Variants in MYT1L observed in about 807,000 individuals in gnomAD.
The protein encoded by MYT1L is myelin transcription factor 1 like.
Under a neutral mutation model 126.7 loss-of-function variants are expected in MYT1L, and 12 were observed. The ratio of observed to expected loss-of-function variants is 0.09; its 90% CI spans 0.06 to 0.15. The LOEUF is 0.15. MYT1L is among the 10% of genes least tolerant of loss of function. The pLI is 1.00. For missense variants in MYT1L, 979 were observed against 1,585.2 expected (o/e 0.62, Z 6.49); for synonymous variants, 541 against 604.2 (o/e 0.90, Z 1.53).
At position 2,133,903 on chromosome 2, in the gene MYT1L, C is replaced by T. The variant is rs146619900; in HGVS notation, c.-304+38969G>A. On this transcript the variant is annotated intron_variant, in intron 3 of 24. Coordinates refer to ENST00000647738, the MANE Select transcript of MYT1L (RefSeq NM_001303052.2). ...ATGCTTTAAGAGAAAAAAAAGGACACGGGAATAATTTCTTTAAACTTAACA... is the reference window on the plus strand; with the variant it reads ...ATGCTTTAAGAGAAAAAAAAGGACATGGGAATAATTTCTTTAAACTTAACA... Among the ~76,000 whole-genome samples, 575 of 152,220 alleles carry T rather than the reference C, an allele frequency of 3.8e-3. 12 individuals carry two copies. Among genetic ancestry groups the T allele is most frequent in the East Asian group, 8.1e-3 (42 of 5,166 alleles).
chr2:2,240,044 T>G (rs1473850117), intron 2 of MYT1L, among the ~76,000 whole-genome samples: 2 of 152,194 alleles, frequency 1.3e-5, no homozygotes, highest in Non-Finnish European at 2.9e-5. Flanking sequence ...ATGCCTGTAA[T>G]CCCAGCACTT....
chr2:2,209,981 T>C (rs2093446788), intron 2 of MYT1L, among the ~76,000 whole-genome samples: 1 of 152,206 alleles, frequency 6.6e-6, no homozygotes, highest in Non-Finnish European at 1.5e-5. Flanking sequence ...ATATAAGCCA[T>C]TTTAAGTGGG....
At chr2:2,205,454 T>G (rs1047841728) in intron 2 of MYT1L, among the ~76,000 whole-genome samples, 1 of 152,202 alleles carries the variant, frequency 6.6e-6, no homozygotes, top group Non-Finnish European at 1.5e-5. Context: ...ATCATTTATG[T>G]TTTTGATTTG....
In MYT1L at chr2:2,305,782, G is replaced by A. The variant is rs146791185; in HGVS notation, c.-520-21279C>T. ...GAGAAAGAGTGAAGTGGGAAGTGTG[G>A]CCCACTTTCAAACAACCAGATCTCA... On this transcript the variant is annotated intron_variant, in intron 1 of 24. Coordinates refer to ENST00000647738, the MANE Select transcript of MYT1L (RefSeq NM_001303052.2). Among the ~76,000 whole-genome samples, 3 of 152,186 alleles carry A rather than the reference G, an allele frequency of 2.0e-5. No individual in the cohort carries two copies. In the East Asian group the frequency reaches 5.8e-4, roughly 29 times the overall value.
chr2:2,158,495 G>A (rs889724845), intron 3 of MYT1L, among the ~76,000 whole-genome samples: 1 of 152,142 alleles, frequency 6.6e-6, no homozygotes, highest in Admixed American at 6.5e-5. Context: ...TTGCACTTAA[G>A]TGACTAAAAG....
In MYT1L at chr2:1,789,737, C is replaced by T. The variant is rs1398664007; in HGVS notation, c.*2130G>A. The T allele has an allele frequency of 2.0e-5, 3 of 152,178 alleles. No homozygotes were observed. Among genetic ancestry groups the T allele is most frequent in the Non-Finnish European group, 2.9e-5 (2 of 68,030 alleles). The allele number at this position is 152,178 out of a possible 1,614,324, so 9.4% of individuals were successfully genotyped here. On this transcript the variant is annotated 3_prime_UTR_variant, in exon 25 of 25. Coordinates refer to ENST00000647738, the MANE Select transcript of MYT1L (RefSeq NM_001303052.2). ...CAGCTGGGGCCCTGGGCCACACGGA[C>T]GGCCTCAGGTGACTGCAAGCACCTT...
chr2:1,914,059 G>C (rs1305694671), intron 11 of MYT1L, among the ~76,000 whole-genome samples: 1 of 151,966 alleles, frequency 6.6e-6, no homozygotes, highest in African/African-American at 2.4e-5. Flanking sequence ...TTCGAGACCA[G>C]CCTCACCAAT....
intron 23 of MYT1L, among the ~76,000 whole-genome samples, chr2:1,794,050 A>T (rs1240396908): frequency 2.0e-5 from 3 of 152,208 alleles, no homozygotes; most frequent in African/African-American, 7.2e-5. Context: ...ACGGAATCTA[A>T]TCTAGAATGA....
chr2:2,029,467 G>C (rs1218206330), intron 4 of MYT1L, among the ~76,000 whole-genome samples: 1 of 152,182 alleles, frequency 6.6e-6, no homozygotes, highest in Non-Finnish European at 1.5e-5. Flanking sequence ...CAGATCTCAT[G>C]AGAGTTATTC....
chr2:2,198,960 C>T (rs2092941535), intron 2 of MYT1L, among the ~76,000 whole-genome samples: 1 of 152,134 alleles, frequency 6.6e-6, no homozygotes, highest in Non-Finnish European at 1.5e-5. Flanking sequence ...ATTCCATAAG[C>T]ATGTACAATT....
intron 3 of MYT1L, among the ~76,000 whole-genome samples, chr2:2,159,514 T>TG (rs2087445610): frequency 6.6e-6 from 1 of 151,958 alleles, no homozygotes; most frequent in Non-Finnish European, 1.5e-5. Context: ...CCCCAGACGC[T>TG]GGGGAGCACC....
At chr2:1,871,309 G>A (rs1374856589) in intron 18 of MYT1L, among the ~76,000 whole-genome samples, 1 of 152,252 alleles carries the variant, frequency 6.6e-6, no homozygotes, top group Non-Finnish European at 1.5e-5. Context: ...AGGGGACTCT[G>A]TGGGAAGATT....
At chr2:2,103,059 C>T (rs1323539302) in intron 3 of MYT1L, among the ~76,000 whole-genome samples, 1 of 151,994 alleles carries the variant, frequency 6.6e-6, no homozygotes, top group Non-Finnish European at 1.5e-5. Flanking sequence ...CCTTCTGTTG[C>T]CATGGACACC....
intron 2 of MYT1L, among the ~76,000 whole-genome samples, chr2:2,248,243 T>C (rs980965038): frequency 6.6e-6 from 1 of 152,062 alleles, no homozygotes; most frequent in African/African-American, 2.4e-5. Context: ...TAATGGCTAC[T>C]ATGAGCAACT....
chr2:2,253,208 C>T (rs1236704577), intron 2 of MYT1L, among the ~76,000 whole-genome samples: 1 of 152,222 alleles, frequency 6.6e-6, no homozygotes, highest in East Asian at 1.9e-4. Context: ...GGAGCGGGCT[C>T]CACTGTCCAG....
chr2:2,173,349 A>G (rs982843496), intron 2 of MYT1L, among the ~76,000 whole-genome samples: 13 of 152,234 alleles, frequency 8.5e-5, no homozygotes, highest in African/African-American at 2.9e-4. Flanking sequence ...TGTAATTAGA[A>G]AACAATTTAA....
Position 1,965,800 on chromosome 2 carries a change from C to T in MYT1L, c.152+13365G>A, listed in dbSNP as rs554089776. Among the ~76,000 whole-genome samples the T allele has an allele frequency of 2.1e-3, 313 of 152,312 alleles. 3 individuals are homozygous for T. Among genetic ancestry groups the T allele is most frequent in the African/African-American group, 7.1e-3 (294 of 41,580 alleles). Reference sequence around the variant, plus strand: ...GCCGGACAGGGGGATGCACAGATGCCCAGAGCTTGCTGCTGCTTTTCAGTG... The same window carrying T: ...GCCGGACAGGGGGATGCACAGATGCTCAGAGCTTGCTGCTGCTTTTCAGTG... On this transcript the variant is annotated intron_variant, in intron 8 of 24. Transcript: ENST00000647738.
At chr2:2,003,960 T>C (rs2062698737) in intron 4 of MYT1L, among the ~76,000 whole-genome samples, 1 of 151,270 alleles carries the variant, frequency 6.6e-6, no homozygotes, top group South Asian at 2.1e-4. Flanking sequence ...CCTGCATGCG[T>C]TCTTTCCTGC....
At chr2:2,052,093 C>G (rs1049697160) in intron 4 of MYT1L, among the ~76,000 whole-genome samples, 2 of 152,126 alleles carry the variant, frequency 1.3e-5, no homozygotes, top group Admixed American at 6.5e-5. Flanking sequence ...GGCATAAAGA[C>G]AGAGAAACAG....
Sources: gnomAD v4.1 joint callset for allele counts (sites outside exome capture counted in the v4.1 genomes callset) on GRCh38, gnomAD v4.1.1 for gene constraint, MANE v1.5 for transcripts, NCBI Gene and HGNC (gene_info 2026-07-23, HGNC 2026-07-21) for gene names.